Variants in RBMS3 observed in about 807,000 individuals in gnomAD.
The protein encoded by RBMS3 is RNA binding motif single stranded interacting protein 3.
A neutral mutation model predicts 66.8 loss-of-function variants in RBMS3; 27 were observed. The observed-to-expected ratio is 0.40, with a 90% CI of 0.30 to 0.56. RBMS3 has a LOEUF of 0.56. RBMS3 is among the 20% of genes least tolerant of loss of function. RBMS3 has a pLI of 0.40. For synonymous variants in RBMS3, 188 were observed against 183.0 expected, an observed-to-expected ratio of 1.03 and a Z score of -0.22; for missense variants, 513 against 549.5, an observed-to-expected ratio of 0.93 and a Z score of 0.66.
At chr3:29,629,556 A>C (rs2049204829) in intron 4 of RBMS3, among the ~76,000 whole-genome samples, 1 of 152,116 alleles carries the variant, frequency 6.6e-6, no homozygotes, top group Admixed American at 6.6e-5. Flanking sequence ...AATTGGTTAC[A>C]TTTCAAGATA....
chr3:29,386,000 A>G (rs1255830638), intron 1 of RBMS3, among the ~76,000 whole-genome samples: 9 of 152,286 alleles, frequency 5.9e-5, no homozygotes, highest in Non-Finnish European at 1.3e-4. Context: ...GTGAAAAGCC[A>G]TTATTTCATG....
chr3:29,384,714 A>T (rs1452723232), intron 1 of RBMS3, among the ~76,000 whole-genome samples: 3 of 152,158 alleles, frequency 2.0e-5, no homozygotes, highest in Non-Finnish European at 4.4e-5. Context: ...AAGAGACATG[A>T]CTGTTTCAGA....
At chr3:29,646,613 T>G (rs1373313758) in intron 4 of RBMS3, among the ~76,000 whole-genome samples, 2 of 119,108 alleles carry the variant, frequency 1.7e-5, no homozygotes, top group Admixed American at 7.8e-5. Context: ...AATTTTTATG[T>G]TTTTTTTTCA....
intron 6 of RBMS3, among the ~76,000 whole-genome samples, chr3:29,798,307 AAGG>A (rs1336271657): frequency 1.1e-5 from 1 of 90,354 alleles, no homozygotes; most frequent in Non-Finnish European, 2.1e-5. Context: ...AAGGGAGGGG[AAGG>A]GAGGGGAAGG....
chr3:29,691,668 C>G (rs2149273752), intron 4 of RBMS3, among the ~76,000 whole-genome samples: 1 of 152,282 alleles, frequency 6.6e-6, no homozygotes, highest in South Asian at 2.1e-4. Flanking sequence ...CTTCTTTCAT[C>G]TGTCATGTAA....
intron 5 of RBMS3, among the ~76,000 whole-genome samples, chr3:29,750,336 G>A (rs1236552023): frequency 6.6e-6 from 1 of 152,112 alleles, no homozygotes; most frequent in East Asian, 1.9e-4. Flanking sequence ...AAGACTTAAA[G>A]TAAAACGATA....
At chr3:29,443,933 C>T (rs2041721631) in intron 2 of RBMS3, among the ~76,000 whole-genome samples, 1 of 152,104 alleles carries the variant, frequency 6.6e-6, no homozygotes, top group African/African-American at 2.4e-5. Flanking sequence ...TAACTCTTAG[C>T]TGGAGCGAAT....
chr3:29,653,599 T>C (rs1447923727), intron 4 of RBMS3, among the ~76,000 whole-genome samples: 1 of 152,088 alleles, frequency 6.6e-6, no homozygotes, highest in Non-Finnish European at 1.5e-5. Flanking sequence ...GTGGTAACTG[T>C]TCTTGTGTCT....
chr3:29,439,659 C>T (rs188637545), intron 2 of RBMS3, among the ~76,000 whole-genome samples: 1 of 151,338 alleles, frequency 6.6e-6, no homozygotes, highest in East Asian at 1.9e-4. Context: ...GCACAATGTG[C>T]AGGTTAGTTA....
chr3:29,406,373 G>A (rs2040017264), intron 1 of RBMS3, among the ~76,000 whole-genome samples: 1 of 152,146 alleles, frequency 6.6e-6, no homozygotes, highest in African/African-American at 2.4e-5. Flanking sequence ...AATGAAATCT[G>A]TACTAAAAGC....
In RBMS3 at chr3:29,612,526, G is replaced by A. The variant is rs75466076; in HGVS notation, c.399+25321G>A. ...ATGTGTAGGATAAATGCATAGAGGT[G>A]GGTCTAAGGGAATATGCCTTTACAT... On this transcript the variant is annotated intron_variant, in intron 4 of 14. Transcript: ENST00000383767. Among the ~76,000 whole-genome samples, 1,500 of 152,062 alleles carry A rather than the reference G, an allele frequency of 9.9e-3. 26 individuals are homozygous for A. The highest frequency in any genetic ancestry group is 0.035 in the African/African-American group (1,445 of 41,506).
rs1370796268 is a variant in RBMS3 at position 29,897,479 on chromosome 3, T to C, written c.888+4T>C. 2 of 1,606,626 alleles carry C rather than the reference T, an allele frequency of 1.2e-6. No homozygotes were observed. Among genetic ancestry groups the C allele is most frequent in the Non-Finnish European group, 1.7e-6 (2 of 1,173,948 alleles). The stretch of plus-strand genomic sequence containing the variant: ...TTCCCCTGTCTCCACATACCAGGTA[T>C]GTCCAATTTACCTGCACCTTAGGAG... On this transcript the variant is annotated splice_donor_region_variant and intron_variant, in intron 9 of 14. Coordinates refer to ENST00000383767, the MANE Select transcript of RBMS3 (RefSeq NM_001003793.3).
intron 1 of RBMS3, among the ~76,000 whole-genome samples, chr3:29,317,852 A>G (rs181060955): frequency 2.0e-5 from 3 of 151,962 alleles, no homozygotes; most frequent in Non-Finnish European, 4.4e-5. Context: ...TGGAAAGAAC[A>G]GCTTGTCTTA....
intron 14 of RBMS3, among the ~76,000 whole-genome samples, chr3:29,996,324 C>T (rs1173887575): frequency 6.7e-6 from 1 of 150,304 alleles, no homozygotes; most frequent in African/African-American, 2.4e-5. Context: ...TAATGGGAGA[C>T]TTTAACACCC....
chr3:29,385,418 G>A (rs914244894), intron 1 of RBMS3, among the ~76,000 whole-genome samples: 3 of 152,076 alleles, frequency 2.0e-5, no homozygotes, highest in African/African-American at 7.2e-5. Flanking sequence ...AAATTTTCCT[G>A]AATTTTTTGG....
intron 4 of RBMS3, among the ~76,000 whole-genome samples, chr3:29,590,798 T>C (rs2047707083): frequency 6.6e-6 from 1 of 152,096 alleles, no homozygotes; most frequent in Non-Finnish European, 1.5e-5. Flanking sequence ...AAGAAGGCCA[T>C]AGATAGACAG....
intron 4 of RBMS3, among the ~76,000 whole-genome samples, chr3:29,656,316 C>G (rs1390468326): frequency 6.6e-6 from 1 of 152,068 alleles, no homozygotes; most frequent in East Asian, 1.9e-4. Context: ...TCACTGTACC[C>G]TTTTAATGTA....
chr3:29,976,016 T>C (rs985847962), intron 12 of RBMS3, among the ~76,000 whole-genome samples: 2 of 151,990 alleles, frequency 1.3e-5, no homozygotes, highest in African/African-American at 2.4e-5. Flanking sequence ...GATTTTCTAA[T>C]TTGTAATATA....
chr3:29,720,586 G>A (rs1033774877), intron 4 of RBMS3, among the ~76,000 whole-genome samples: 3 of 151,958 alleles, frequency 2.0e-5, no homozygotes, highest in Non-Finnish European at 2.9e-5. Flanking sequence ...GGATTTGAAA[G>A]CAGATTGATC....
Sources: allele counts gnomAD v4.1 joint callset (sites outside exome capture counted in the v4.1 genomes callset), GRCh38; gene constraint gnomAD v4.1.1; transcripts MANE v1.5; gene names NCBI Gene and HGNC (gene_info 2026-07-23, HGNC 2026-07-21).